The following CDKL5 variants were observed in gnomAD, a reference collection of about 807,000 sequenced individuals.
The protein encoded by CDKL5 is cyclin dependent kinase like 5.
In CDKL5, 8 loss-of-function variants were observed where a neutral mutation model predicts 61.7. The observed-to-expected ratio is 0.13, with a 90% CI of 0.08 to 0.23. The LOEUF is 0.23. Among genes scored for constraint, CDKL5 ranks in the 10% least tolerant of loss-of-function variants. The pLI, the probability that CDKL5 is intolerant of heterozygous loss-of-function variation, is 1.00. For missense variants in CDKL5, 440 were observed against 734.5 expected (o/e 0.60, Z 4.63); for synonymous variants, 275 against 272.3 (o/e 1.01, Z -0.10).
At chrX:18,607,198 G>A (rs1175449557) in intron 12 of CDKL5, among the ~76,000 whole-genome samples, 2 of 111,321 alleles carry the variant, frequency 1.8e-5, no homozygotes, top group African/African-American at 6.5e-5. Flanking sequence ...CTAAGCAGAA[G>A]TGTGCTCTAA....
At chrX:18,627,293 G>A (rs1489772948) in intron 17 of CDKL5, 1 of 111,480 alleles carries the variant, frequency 9.0e-6, no homozygotes, top group African/African-American at 3.3e-5. Context: ...TGTTCCTTGA[G>A]TTCGTCAACA....
chrX:18,624,091 A>G, intron 16 of CDKL5: 1 of 419,351 alleles, frequency 2.4e-6, no homozygotes, highest in Non-Finnish European at 3.0e-6. Flanking sequence ...TCATGAGGTC[A>G]TATTCTCTTT....
intron 3 of CDKL5, among the ~76,000 whole-genome samples, chrX:18,549,620 C>T (rs1421971699): frequency 9.0e-6 from 1 of 111,380 alleles, no homozygotes; most frequent in Non-Finnish European, 1.9e-5. Context: ...GGGTAAATTC[C>T]TTGAGTATTA....
chrX:18,439,853 A>G (rs1931698423), intron 1 of CDKL5, among the ~76,000 whole-genome samples: 2 of 109,239 alleles, frequency 1.8e-5, no homozygotes, highest in Non-Finnish European at 3.8e-5. Context: ...AAAAAAAAAA[A>G]GCTTTGTTTA....
intron 1 of CDKL5, among the ~76,000 whole-genome samples, chrX:18,439,524 T>G (rs1931690183): frequency 9.0e-6 from 1 of 110,680 alleles, no homozygotes. Flanking sequence ...TCACACAAAT[T>G]TTGTGGTTAC....
chrX:18,620,911 T>C (rs1926871024), intron 16 of CDKL5, among the ~76,000 whole-genome samples: 1 of 110,617 alleles, frequency 9.0e-6, no homozygotes, highest in Non-Finnish European at 1.9e-5. Flanking sequence ...GCTAATTTTT[T>C]GTATTTCTTG....
At chrX:18,431,806 T>A (rs1166390135) in intron 1 of CDKL5, among the ~76,000 whole-genome samples, 1 of 111,392 alleles carries the variant, frequency 9.0e-6, no homozygotes, top group Non-Finnish European at 1.9e-5. Flanking sequence ...ATTTATGGAG[T>A]TGGTGTGACT....
At chrX:18,645,927 G>T (rs1369475911) in intron 19 of CDKL5, 3 of 1,201,654 alleles carry the variant, frequency 2.5e-6, no homozygotes, top group Non-Finnish European at 3.4e-6. Flanking sequence ...GTGGGCAGAA[G>T]TGGCCAATAG....
chrX:18,543,992 C>T (rs1356795934), intron 3 of CDKL5, among the ~76,000 whole-genome samples: 2 of 111,798 alleles, frequency 1.8e-5, no homozygotes, highest in Non-Finnish European at 3.8e-5. Context: ...ACAATTAAAC[C>T]CTTTGCCAGG....
intron 3 of CDKL5, among the ~76,000 whole-genome samples, chrX:18,552,948 G>A (rs779612388): frequency 2.0e-4 from 22 of 111,218 alleles, no homozygotes; most frequent in African/African-American, 5.2e-4. Flanking sequence ...TAAGGGGAAT[G>A]GTGGAGCTTG....
chrX:18,513,225 ATCTT>A (rs766224060), intron 3 of CDKL5, among the ~76,000 whole-genome samples: 12 of 111,335 alleles, frequency 1.1e-4, no homozygotes, highest in African/African-American at 2.3e-4. Context: ...TGTTGTTTTT[ATCTT>A]TCTATTTACT....
intron 3 of CDKL5, chrX:18,535,219 CT>C: frequency 8.2e-6 from 1 of 122,264 alleles, no homozygotes; most frequent in Admixed American, 8.6e-5. Context: ...AGCAGTTTGC[CT>C]TTCATTGAAC....
intron 3 of CDKL5, among the ~76,000 whole-genome samples, chrX:18,523,147 G>A (rs1034097006): frequency 1.2e-4 from 13 of 110,947 alleles, no homozygotes; most frequent in African/African-American, 3.9e-4. Flanking sequence ...AAAATTTGCC[G>A]TTTTAACTAT....
At chrX:18,536,781 C>G (rs1367957913) in intron 3 of CDKL5, among the ~76,000 whole-genome samples, 1 of 110,507 alleles carries the variant, frequency 9.0e-6, no homozygotes, top group East Asian at 2.8e-4. Flanking sequence ...TGTGTGTCTC[C>G]CTCCTGAGAG....
chrX:18,528,719 C>T (rs529525925), intron 3 of CDKL5, among the ~76,000 whole-genome samples: 7 of 111,415 alleles, frequency 6.3e-5, no homozygotes, highest in African/African-American at 9.8e-5. Context: ...CTGCAGCCTC[C>T]GCCTCCTAGG....
chrX:18,652,499 T>G (rs1167712497), intron 21 of CDKL5, among the ~76,000 whole-genome samples: 1 of 111,333 alleles, frequency 9.0e-6, no homozygotes, highest in African/African-American at 3.3e-5. Flanking sequence ...TGAAACCCCA[T>G]CTCTACTAAA....
At chrX:18,426,060 C>G (rs975624553) in intron 1 of CDKL5, 15 of 112,494 alleles carry the variant, frequency 1.3e-4, no homozygotes, top group African/African-American at 4.5e-4. Context: ...GGCACGAGCT[C>G]CCCGGGGCTT....
intron 3 of CDKL5, among the ~76,000 whole-genome samples, chrX:18,541,140 G>GGAATTAC (rs1924009530): frequency 8.9e-6 from 1 of 112,101 alleles, no homozygotes; most frequent in African/African-American, 3.2e-5. Context: ...ACTATGATGT[G>GGAATTAC]TCTTGGCTGG....
At chrX:18,651,258 TGTGTGTGA>T (rs1436091285) in intron 21 of CDKL5, among the ~76,000 whole-genome samples, 10 of 97,186 alleles carry the variant, frequency 1.0e-4, no homozygotes, top group African/African-American at 2.9e-4. Context: ...TGTGTGTGTG[TGTGTGTGA>T]GAGAGAGAGA....
Sources: gnomAD v4.1 joint callset for allele counts (sites outside exome capture counted in the v4.1 genomes callset) on GRCh38, gnomAD v4.1.1 for gene constraint, MANE v1.5 for transcripts, NCBI Gene and HGNC (gene_info 2026-07-23, HGNC 2026-07-21) for gene names.